Variants in SPATA18 observed in about 807,000 individuals in gnomAD.
SPATA18 encodes the protein spermatogenesis associated 18, also known as mitochondria-eating protein.
Under a neutral mutation model 68.1 loss-of-function variants are expected in SPATA18, and 54 were observed. That is an observed-to-expected ratio of 0.79 (90% CI 0.64 to 0.99). SPATA18 has a LOEUF of 0.99. Ranked by LOEUF, SPATA18 falls within the 50% of genes least tolerant of loss-of-function variation. The probability of loss-of-function intolerance (pLI) is 0.00; values close to 1 mark genes in which losing one functional copy is unlikely to be tolerated. For missense variants in SPATA18, 724 were observed against 681.1 expected, an observed-to-expected ratio of 1.06 and a Z score of -0.70; for synonymous variants, 242 against 244.8, an observed-to-expected ratio of 0.99 and a Z score of 0.11.
Position 52,069,481 on chromosome 4 carries a change from G to C in SPATA18, c.423-340G>C, listed in dbSNP as rs183689683. 2.6e-5 allele frequency among the ~76,000 whole-genome samples: 4 copies of C among 152,236 alleles called. No homozygotes were observed. The East Asian group carries it at 7.7e-4, about 29-fold the overall frequency. The stretch of plus-strand genomic sequence containing the variant: ...AGATTTTGTAGAGAAAGCCAACTTG[G>C]GGCTTTGATGTAATTAGAGCAGATG... On this transcript the variant is annotated intron_variant, in intron 4 of 12. Transcript: ENST00000295213.
Position 52,051,635 on chromosome 4 carries a change from C to A in SPATA18, c.-70C>A. 1 of 1,448,216 alleles carries A rather than the reference C, an allele frequency of 6.9e-7. No homozygotes were observed. Among genetic ancestry groups the A allele is most frequent in the Non-Finnish European group, 9.7e-7 (1 of 1,029,136 alleles). 89.7% of individuals were successfully genotyped at this position (1,448,216 alleles called of 1,614,324 possible). A position where few individuals can be genotyped will look rare whatever the true frequency, so the allele number is the denominator to read the frequency against. On this transcript the variant is annotated 5_prime_UTR_variant, in exon 1 of 13. The change creates a new upstream start codon in the 5' untranslated region. Transcript: ENST00000295213. Reference sequence around the variant, plus strand: ...CTTCCCGCCATATCACCCCACGGTCCTGCGGAGGCCACCGCCTGGTCCCCC... The same window carrying A: ...CTTCCCGCCATATCACCCCACGGTCATGCGGAGGCCACCGCCTGGTCCCCC...
At chr4:52,054,608 C>T (rs948501223) in intron 1 of SPATA18, among the ~76,000 whole-genome samples, 1 of 152,020 alleles carries the variant, frequency 6.6e-6, no homozygotes, top group African/African-American at 2.4e-5. Context: ...AAATGTATTA[C>T]AATTAGGCCC....
At position 52,084,925 on chromosome 4, in the gene SPATA18, G is replaced by C; in HGVS notation, c.1489G>C (p.Val497Leu). The change falls in exon 11 of 13, where the codon GTG becomes CTG. Residue 497 changes from valine to leucine, a missense_variant. Transcript: ENST00000295213. Reference sequence around the variant, plus strand: ...CTCTCTCTTTTTTAAGTGGAATTCGGTGCGATCTGTAAGTCGTTGTCGAAG... The same window carrying C: ...CTCTCTCTTTTTTAAGTGGAATTCGCTGCGATCTGTAAGTCGTTGTCGAAG... ...VTRRGAFWNS[V>L]RSVSRCRSRS... 1 of 1,613,880 alleles carries C rather than the reference G, an allele frequency of 6.2e-7. No individual in the cohort carries two copies. Among genetic ancestry groups the C allele is most frequent in the Non-Finnish European group, 8.5e-7 (1 of 1,179,890 alleles).
Position 52,069,855 on chromosome 4 carries a change from A to G in SPATA18, c.457A>G (p.Lys153Glu). ...VETEKNLEES[K>E]NRSAISLLAA... The stretch of plus-strand genomic sequence containing the variant: ...AACTGAAAAGAATCTTGAAGAAAGC[A>G]AGAACAGATCGGCCATATCCCTTTT... Residue 153 changes from lysine to glutamate, a missense_variant, in exon 5 of 13, where the codon AAG becomes GAG. Lys to Glu is a moderately conservative substitution (Grantham distance 56, BLOSUM62 1). Coordinates refer to ENST00000295213, the MANE Select transcript of SPATA18 (RefSeq NM_145263.4). The G allele has an allele frequency of 5.0e-6, 8 of 1,597,866 alleles. No individual in the cohort carries two copies. The highest frequency in any genetic ancestry group is 1.1e-5 in the South Asian group (1 of 88,592).
chr4:52,073,001 T>A (rs899421956), intron 6 of SPATA18, among the ~76,000 whole-genome samples: 25 of 152,188 alleles, frequency 1.6e-4, no homozygotes, highest in African/African-American at 6.0e-4. Flanking sequence ...CTCTGGAGTC[T>A]CTGCATTTCC....
chr4:52,055,624 GT>G (rs1738270136), intron 1 of SPATA18, among the ~76,000 whole-genome samples: 1 of 151,992 alleles, frequency 6.6e-6, no homozygotes, highest in Non-Finnish European at 1.5e-5. Context: ...TAATGCTGTG[GT>G]TATCAATCTT....
intron 11 of SPATA18, among the ~76,000 whole-genome samples, chr4:52,090,699 C>T (rs949942187): frequency 2.6e-5 from 4 of 152,170 alleles, no homozygotes; most frequent in Non-Finnish European, 5.9e-5. Flanking sequence ...CCCAACCTTT[C>T]TCTTTGGCTG....
At chr4:52,054,121 A>G (rs542213916) in intron 1 of SPATA18, among the ~76,000 whole-genome samples, 14 of 152,364 alleles carry the variant, frequency 9.2e-5, no homozygotes, top group South Asian at 4.1e-4. Flanking sequence ...TAAGGTGACT[A>G]TTGGGCACTT....
chr4:52,092,306 G>T (rs1384818614), intron 11 of SPATA18, among the ~76,000 whole-genome samples: 1 of 152,064 alleles, frequency 6.6e-6, no homozygotes, highest in Non-Finnish European at 1.5e-5. Context: ...TGCCCAATTG[G>T]CTGCCCAGTT....
Position 52,060,812 on chromosome 4 carries a change from A to C in SPATA18, c.224A>C (p.Lys75Thr), listed in dbSNP as rs186582372. ...GGRNDGVETI[K>T]SRLLPWLEAS... ...CGTAATGATGGTGTGGAAACAATCA[A>C]GTCACGCCTTTTGCCTTGGCTGGAG... The change falls in exon 3 of 13, where the codon AAG becomes ACG. Residue 75 changes from lysine (K) to threonine (T), a missense_variant. Transcript: ENST00000295213. 1 of 1,614,070 alleles carries C rather than the reference A, an allele frequency of 6.2e-7. No individual in the cohort carries two copies. The highest frequency in any genetic ancestry group is 2.2e-5 in the East Asian group (1 of 44,874).
chr4:52,080,865 T>C (rs892130348), intron 9 of SPATA18, among the ~76,000 whole-genome samples: 2 of 152,250 alleles, frequency 1.3e-5, no homozygotes, highest in Non-Finnish European at 2.9e-5. Flanking sequence ...TGTAAAGTTA[T>C]GCCCAGCATT....
intron 4 of SPATA18, among the ~76,000 whole-genome samples, chr4:52,064,841 A>G (rs1162789375): frequency 6.6e-6 from 1 of 152,192 alleles, no homozygotes; most frequent in Non-Finnish European, 1.5e-5. Flanking sequence ...TAGTTAAGGA[A>G]TCTCCACATT....
intron 7 of SPATA18, 111 bp from the exon 8 acceptor site, chr4:52,078,624 T>G: frequency 2.1e-6 from 2 of 956,342 alleles, no homozygotes; most frequent in South Asian, 4.7e-5. Context: ...CTGTGTTTAG[T>G]TATCAGAAGA....
intron 10 of SPATA18, 27 bp downstream of exon 10, chr4:52,082,537 T>A: frequency 6.2e-7 from 1 of 1,613,912 alleles, no homozygotes; most frequent in Non-Finnish European, 8.5e-7. Context: ...TAGTGACAAT[T>A]CATCCCAAGT....
chr4:52,076,306 A>G (rs758098528), intron 6 of SPATA18, among the ~76,000 whole-genome samples: 1 of 152,176 alleles, frequency 6.6e-6, no homozygotes, highest in African/African-American at 2.4e-5. Flanking sequence ...GGAAGGATAC[A>G]TGAAAATTTT....
chr4:52,052,027 A>G (rs756782517), intron 1 of SPATA18, among the ~76,000 whole-genome samples: 3 of 152,212 alleles, frequency 2.0e-5, no homozygotes, highest in Non-Finnish European at 2.9e-5. Flanking sequence ...GGAGCGCAGC[A>G]CTAGGCTGCG....
At chr4:52,069,988 AT>A in intron 5 of SPATA18, 72 bp downstream of exon 5, 1 of 949,002 alleles carries the variant, frequency 1.1e-6, no homozygotes, top group Middle Eastern at 3.2e-4. Context: ...CCATTACAAC[AT>A]GAAAGAATCT....
chr4:52,073,484 T>C (rs2109465257), intron 6 of SPATA18, among the ~76,000 whole-genome samples: 1 of 152,200 alleles, frequency 6.6e-6, no homozygotes, highest in African/African-American at 2.4e-5. Flanking sequence ...CACCCTAAAA[T>C]AGGGCAAAAG....
intron 5 of SPATA18, 36 bp from the exon 6 acceptor site, chr4:52,071,881 T>A (rs752389211): frequency 6.2e-7 from 1 of 1,603,140 alleles, no homozygotes; most frequent in East Asian, 2.2e-5. Flanking sequence ...CCCTCTCCTC[T>A]CTTCCCTTCC....
Sources: allele counts gnomAD v4.1 joint callset (sites outside exome capture counted in the v4.1 genomes callset), GRCh38; gene constraint gnomAD v4.1.1; transcripts MANE v1.5; gene names NCBI Gene and HGNC (gene_info 2026-07-23, HGNC 2026-07-21).